The following PLPP3 variants were observed in gnomAD, a reference collection of about 807,000 sequenced individuals.
The protein encoded by PLPP3 is PAP2 beta.
PLPP3 carries 6 observed loss-of-function variants against 29.6 expected under a neutral mutation model. The ratio of observed to expected loss-of-function variants is 0.20; its 90% CI spans 0.11 to 0.40. The LOEUF (loss-of-function observed/expected upper bound fraction) is 0.40. Ranked by LOEUF, PLPP3 falls within the 10% of genes least tolerant of loss-of-function variation. The pLI, the probability that PLPP3 is intolerant of heterozygous loss-of-function variation, is 1.00. For missense variants in PLPP3, 308 were observed against 407.7 expected, an observed-to-expected ratio of 0.76 and a Z score of 2.11; for synonymous variants, 152 against 159.7, an observed-to-expected ratio of 0.95 and a Z score of 0.36.
chr1:56,535,783 A>C (rs1645922995), intron 2 of PLPP3, among the ~76,000 whole-genome samples: 1 of 152,202 alleles, frequency 6.6e-6, no homozygotes, highest in African/African-American at 2.4e-5. Context: ...GGGCCAGGTC[A>C]GAAAACCAGA....
rs749957963 is a variant in PLPP3 at position 56,524,395 on chromosome 1, G to A, written c.457C>T (p.Arg153Cys). ...FTDIAKVSIGRLRPHFLSVCN... is the reference protein window; with the variant it reads ...FTDIAKVSIGCLRPHFLSVCN... ...ACACTCAAGAAGTGAGGACGCAGGC[G>A]CCCTATGGACACTTTGGCAATGTCT... is the stretch of plus-strand genomic sequence containing the variant. Residue 153 changes from arginine to cysteine, a missense_variant, in exon 3 of 6, where the codon CGC (arginine) becomes TGC (cysteine). By Grantham distance (180) the Arg-to-Cys change is radical. This residue lies in a region of PLPP3 where 232 missense variants were observed against 317.2 expected (regional missense o/e 0.73). Transcript: ENST00000371250. This position sits in a 1 kb window ranked among gnomAD's most constrained non-coding sequence, Gnocchi z 4.3. The A allele has an allele frequency of 1.1e-5, 18 of 1,613,976 alleles. No individual in the cohort carries two copies. The highest frequency in any genetic ancestry group is 1.6e-4 in the Middle Eastern group (1 of 6,084).
At chr1:56,562,863 C>A (rs1646139821) in intron 1 of PLPP3, among the ~76,000 whole-genome samples, 1 of 152,196 alleles carries the variant, frequency 6.6e-6, no homozygotes, top group South Asian at 2.1e-4. Context: ...TCTTATATTT[C>A]TTAGACTTTC....
intron 5 of PLPP3, among the ~76,000 whole-genome samples, chr1:56,497,827 A>G (rs920362244): frequency 6.6e-6 from 1 of 152,238 alleles, no homozygotes; most frequent in Non-Finnish European, 1.5e-5. Flanking sequence ...TCATTTTCAC[A>G]GTGTCCCTTC....
chr1:56,499,083 C>A (rs1299571104), intron 5 of PLPP3, among the ~76,000 whole-genome samples: 1 of 145,232 alleles, frequency 6.9e-6, no homozygotes, highest in Non-Finnish European at 1.5e-5. Flanking sequence ...TCCCCCCCCC[C>A]CACCTTCCCC....
chr1:56,575,759 A>G (rs986234981), intron 1 of PLPP3, among the ~76,000 whole-genome samples: 3 of 152,188 alleles, frequency 2.0e-5, no homozygotes, highest in Non-Finnish European at 4.4e-5. Flanking sequence ...ATTTATTCAT[A>G]GGGGTTGCAT....
chr1:56,555,930 G>A (rs1168955991), intron 1 of PLPP3, among the ~76,000 whole-genome samples: 2 of 152,184 alleles, frequency 1.3e-5, no homozygotes, highest in Non-Finnish European at 2.9e-5. Flanking sequence ...CCATCAAACA[G>A]TCTCACACTA....
At chr1:56,560,089 G>A (rs1646111204) in intron 1 of PLPP3, among the ~76,000 whole-genome samples, 1 of 152,000 alleles carries the variant, frequency 6.6e-6, no homozygotes, top group African/African-American at 2.4e-5. Context: ...CCTTCAACTC[G>A]GCTACCTCTA....
chr1:56,579,138 G>C lies in PLPP3; in HGVS notation c.-122C>G. The C allele has an allele frequency of 7.4e-7, 1 of 1,353,848 alleles. No homozygotes were observed. Among genetic ancestry groups the C allele is most frequent in the Non-Finnish European group, 9.7e-7 (1 of 1,029,922 alleles). 83.9% of individuals were successfully genotyped at this position (1,353,848 alleles called of 1,614,324 possible). A position where few individuals can be genotyped will look rare whatever the true frequency, so the allele number is the denominator to read the frequency against. ...TGCGGATAGTGGCGGGTCGGCCCCG[G>C]CTCCGGGCGCGGCGGCTAGAGTGCA... On this transcript the variant is annotated 5_prime_UTR_variant, in exon 1 of 6. Transcript: ENST00000371250.
chr1:56,504,948 C>A (rs545504967), intron 5 of PLPP3, among the ~76,000 whole-genome samples: 2 of 152,244 alleles, frequency 1.3e-5, no homozygotes, highest in South Asian at 4.1e-4. Flanking sequence ...TAGGTGGTTA[C>A]CACCAGCATT....
At chr1:56,568,772 C>G (rs1176235635) in intron 1 of PLPP3, among the ~76,000 whole-genome samples, 4 of 152,092 alleles carry the variant, frequency 2.6e-5, no homozygotes, top group Admixed American at 6.5e-5. Context: ...CTACAGGTGC[C>G]CACCACCATG....
intron 5 of PLPP3, 138 bp from the exon 6 acceptor site, chr1:56,496,814 A>G (rs1645634245): frequency 1.7e-5 from 14 of 825,822 alleles, no homozygotes; most frequent in Non-Finnish European, 2.6e-5. Context: ...GAAGGACAAC[A>G]GAGATCATAT....
intron 2 of PLPP3, among the ~76,000 whole-genome samples, chr1:56,535,361 T>A (rs1363023491): frequency 1.3e-5 from 2 of 152,280 alleles, no homozygotes; most frequent in African/African-American, 4.8e-5. Context: ...ACAGTAGCAC[T>A]GGACAAGAGA....
At chr1:56,516,074 TAAAG>T (rs571167748) in intron 4 of PLPP3, among the ~76,000 whole-genome samples, 128 of 152,210 alleles carry the variant, frequency 8.4e-4, no homozygotes, top group African/African-American at 2.9e-3. Flanking sequence ...TGGTGAAACT[TAAAG>T]AAGAGTCGAG....
intron 1 of PLPP3, 56 bp from the exon 2 acceptor site, chr1:56,537,168 GAA>G: frequency 3.9e-6 from 6 of 1,551,516 alleles, no homozygotes; most frequent in Non-Finnish European, 4.4e-6. Context: ...AAAGGAAGGG[GAA>G]AACATCAGTG....
intron 1 of PLPP3, among the ~76,000 whole-genome samples, chr1:56,573,570 A>C (rs1042166254): frequency 6.6e-6 from 1 of 152,226 alleles, no homozygotes; most frequent in African/African-American, 2.4e-5. Flanking sequence ...ACAGAATCCC[A>C]GGTCCTGGCT....
intron 1 of PLPP3, among the ~76,000 whole-genome samples, chr1:56,546,507 G>A (rs1345196503): frequency 2.0e-5 from 3 of 152,216 alleles, no homozygotes; most frequent in Non-Finnish European, 4.4e-5. Context: ...TTATGTGTGT[G>A]TATGGATTTA....
intron 1 of PLPP3, among the ~76,000 whole-genome samples, chr1:56,548,802 C>T (rs191753253): frequency 4.5e-4 from 68 of 152,048 alleles, no homozygotes; most frequent in Middle Eastern, 3.4e-3. Flanking sequence ...TATTTACTGA[C>T]TAATCCAGTA....
chr1:56,572,081 G>A (rs1448092046), intron 1 of PLPP3, among the ~76,000 whole-genome samples: 5 of 109,096 alleles, frequency 4.6e-5, no homozygotes, highest in Admixed American at 4.4e-4. Context: ...ACAGAGTCTC[G>A]CTCTATCACC....
chr1:56,497,419 T>G (rs1039237010), intron 5 of PLPP3, among the ~76,000 whole-genome samples: 76 of 152,248 alleles, frequency 5.0e-4, no homozygotes, highest in Non-Finnish European at 1.0e-4. Context: ...GATGAAAGAT[T>G]CAAGGGTTTG....
Sources: allele counts gnomAD v4.1 joint callset (sites outside exome capture counted in the v4.1 genomes callset), GRCh38; gene constraint gnomAD v4.1.1; regional missense constraint gnomAD v4.1.1; non-coding constraint Gnocchi (gnomAD v3.1); transcripts MANE v1.5; gene names NCBI Gene and HGNC (gene_info 2026-07-23, HGNC 2026-07-21).